TMTC2: variants seen among roughly 807,000 people sequenced by gnomAD.
The protein encoded by TMTC2 is protein O-mannosyl-transferase TMTC2.
Under a neutral mutation model 82.4 loss-of-function variants are expected in TMTC2, and 43 were observed. The ratio of observed to expected loss-of-function variants is 0.52; its 90% CI spans 0.41 to 0.67. TMTC2 has a LOEUF of 0.67. Ranked by LOEUF, TMTC2 falls within the 30% of genes least tolerant of loss-of-function variation. The pLI is 0.00. For synonymous variants in TMTC2, 408 were observed against 381.9 expected (o/e 1.07, Z -0.80); for missense variants, 919 against 1,012.4 (o/e 0.91, Z 1.25).
At chr12:83,064,716 T>C (rs541414263) in intron 11 of TMTC2, among the ~76,000 whole-genome samples, 9 of 152,068 alleles carry the variant, frequency 5.9e-5, no homozygotes, top group Admixed American at 5.3e-4. Context: ...TATAAATTTC[T>C]GTTCTGAAAT....
chr12:82,727,294 A>T (rs551801100), intron 1 of TMTC2, among the ~76,000 whole-genome samples: 1 of 152,262 alleles, frequency 6.6e-6, no homozygotes, highest in South Asian at 2.1e-4. Flanking sequence ...TTAAAATTAC[A>T]TCACATATAT....
intron 3 of TMTC2, among the ~76,000 whole-genome samples, chr12:82,899,060 A>G (rs1873827078): frequency 6.6e-6 from 1 of 152,208 alleles, no homozygotes; most frequent in Admixed American, 6.5e-5. Context: ...TAAGTAAAAC[A>G]ATTATTAAAC....
chr12:82,769,964 C>T (rs928237857), intron 1 of TMTC2, among the ~76,000 whole-genome samples: 1 of 152,106 alleles, frequency 6.6e-6, no homozygotes, highest in Non-Finnish European at 1.5e-5. Context: ...ATATAGTTCT[C>T]TCATCCCTGA....
At chr12:83,022,721 A>G (rs1474616557) in intron 8 of TMTC2, among the ~76,000 whole-genome samples, 1 of 151,920 alleles carries the variant, frequency 6.6e-6, no homozygotes, top group Admixed American at 6.6e-5. Flanking sequence ...GTCTCAAAAG[A>G]TCCAGTGACT....
In TMTC2 at chr12:83,126,168, T is replaced by G. The variant is rs78926961; in HGVS notation, c.2332-6042T>G. Among the ~76,000 whole-genome samples, 728 of 152,228 alleles carry G rather than the reference T, an allele frequency of 4.8e-3. 4 individuals carry two copies. Among genetic ancestry groups the G allele is most frequent in the African/African-American group, 0.017 (701 of 41,558 alleles). ...TGTTTGGCAAGATGGCATTCCAGGA[T>G]GGATGATGCCTAATATATAAAATTA... On this transcript the variant is annotated intron_variant, in intron 11 of 11. Transcript: ENST00000321196.
chr12:82,935,018 AT>A (rs755120932), intron 4 of TMTC2, among the ~76,000 whole-genome samples: 19 of 152,128 alleles, frequency 1.2e-4, no homozygotes, highest in Non-Finnish European at 2.5e-4. Context: ...TTAGAAAAAA[AT>A]AACCTTTATA....
intron 1 of TMTC2, among the ~76,000 whole-genome samples, chr12:82,737,887 T>C (rs985696053): frequency 3.3e-5 from 5 of 152,212 alleles, no homozygotes; most frequent in Non-Finnish European, 5.9e-5. Context: ...GACAGTTCCC[T>C]GATGTTATTC....
chr12:82,702,353 T>C (rs1262229413), intron 1 of TMTC2, among the ~76,000 whole-genome samples: 3 of 152,206 alleles, frequency 2.0e-5, no homozygotes, highest in Non-Finnish European at 2.9e-5. Flanking sequence ...AAGAACACTT[T>C]TGGTTCTTGT....
chr12:82,724,043 T>C (rs1018468077), intron 1 of TMTC2, among the ~76,000 whole-genome samples: 1 of 152,180 alleles, frequency 6.6e-6, no homozygotes, highest in Non-Finnish European at 1.5e-5. Flanking sequence ...ACTTCTGGAT[T>C]TGTTTTAAGA....
At chr12:82,968,985 G>A (rs1487604599) in intron 7 of TMTC2, among the ~76,000 whole-genome samples, 1 of 152,136 alleles carries the variant, frequency 6.6e-6, no homozygotes, top group Non-Finnish European at 1.5e-5. Flanking sequence ...AGGTCTGCTA[G>A]CCAATCAAGT....
intron 9 of TMTC2, 103 bp downstream of exon 9, chr12:83,030,982 C>A: frequency 1.2e-6 from 1 of 827,144 alleles, no homozygotes; most frequent in Admixed American, 2.0e-5. Flanking sequence ...AGGAGATGGA[C>A]TTTGTTATTG....
intron 11 of TMTC2, among the ~76,000 whole-genome samples, chr12:83,085,197 G>A (rs1166328185): frequency 6.6e-6 from 1 of 152,110 alleles, no homozygotes; most frequent in Non-Finnish European, 1.5e-5. Context: ...TAAAATAAGG[G>A]GGGAAATATC....
chr12:82,788,936 C>G (rs969704853), intron 1 of TMTC2, among the ~76,000 whole-genome samples: 1 of 152,098 alleles, frequency 6.6e-6, no homozygotes, highest in Non-Finnish European at 1.5e-5. Flanking sequence ...GAGGCCAAAG[C>G]AGAGGACCAC....
At chr12:83,072,189 G>A (rs1452372670) in intron 11 of TMTC2, among the ~76,000 whole-genome samples, 1 of 151,930 alleles carries the variant, frequency 6.6e-6, no homozygotes, top group Non-Finnish European at 1.5e-5. Context: ...GTATCCCTGA[G>A]GTTTTGATAG....
intron 8 of TMTC2, among the ~76,000 whole-genome samples, chr12:83,028,394 T>C (rs1881270300): frequency 6.6e-6 from 1 of 152,194 alleles, no homozygotes; most frequent in South Asian, 2.1e-4. Context: ...AGTGTTCCCA[T>C]AAACCTCCTC....
chr12:82,870,554 A>C (rs181060305), intron 2 of TMTC2, among the ~76,000 whole-genome samples: 33 of 152,368 alleles, frequency 2.2e-4, no homozygotes, highest in Admixed American at 2.1e-3. Flanking sequence ...AATTCTACAC[A>C]GCACCACTGC....
intron 2 of TMTC2, among the ~76,000 whole-genome samples, chr12:82,858,063 TAAAC>T (rs920064047): frequency 5.9e-5 from 9 of 152,204 alleles, no homozygotes; most frequent in Admixed American, 1.3e-4. Context: ...GTCAAATTCT[TAAAC>T]AATGAATCAT....
At chr12:82,755,316 T>A (rs1057037975) in intron 1 of TMTC2, among the ~76,000 whole-genome samples, 1 of 152,216 alleles carries the variant, frequency 6.6e-6, no homozygotes, top group African/African-American at 2.4e-5. Flanking sequence ...ATTTTCTTCT[T>A]ATAGTCTGGA....
intron 11 of TMTC2, among the ~76,000 whole-genome samples, chr12:83,114,873 A>G (rs1429320304): frequency 6.6e-6 from 1 of 151,638 alleles, no homozygotes; most frequent in East Asian, 1.9e-4. Context: ...GTGTGTATAT[A>G]TGTATATGTG....
Sources: allele counts gnomAD v4.1 joint callset (sites outside exome capture counted in the v4.1 genomes callset), GRCh38; gene constraint gnomAD v4.1.1; transcripts MANE v1.5; gene names NCBI Gene and HGNC (gene_info 2026-07-23, HGNC 2026-07-21).